The following CHN2 variants were observed in gnomAD, a reference collection of about 807,000 sequenced individuals.
CHN2 encodes beta-chimaerin.
CHN2 carries 35 observed loss-of-function variants against 56.3 expected under a neutral mutation model. The observed-to-expected ratio is 0.62, with a 90% CI of 0.47 to 0.82. CHN2 has a LOEUF of 0.82. Among genes scored for constraint, CHN2 ranks in the 40% least tolerant of loss-of-function variants. CHN2 has a pLI of 0.00. For missense variants in CHN2, 491 were observed against 580.5 expected (o/e 0.85, Z 1.58); for synonymous variants, 210 against 212.8 (o/e 0.99, Z 0.12).
At chr7:29,408,003 C>T (rs1346427934) in intron 6 of CHN2, among the ~76,000 whole-genome samples, 1 of 151,916 alleles carries the variant, frequency 6.6e-6, no homozygotes, top group East Asian at 1.9e-4. Context: ...GCCTGGCCAA[C>T]ATGGTGAAAC....
intron 1 of CHN2, among the ~76,000 whole-genome samples, chr7:29,267,987 G>A (rs1195976359): frequency 6.6e-6 from 1 of 152,142 alleles, no homozygotes. Context: ...TGTTATGGAA[G>A]GTTCTTTTCC....
intron 3 of CHN2, among the ~76,000 whole-genome samples, chr7:29,382,999 C>A (rs1800636858): frequency 6.6e-6 from 1 of 152,064 alleles, no homozygotes; most frequent in Non-Finnish European, 1.5e-5. Context: ...ATATTCTGGA[C>A]ACACAAGCAA....
intron 6 of CHN2, among the ~76,000 whole-genome samples, chr7:29,455,534 A>G (rs368517189): frequency 6.6e-6 from 1 of 152,170 alleles, no homozygotes. Context: ...GGCTTTCCCC[A>G]CCACTGCAGG....
intron 2 of CHN2, among the ~76,000 whole-genome samples, chr7:29,158,136 G>C (rs2128704686): frequency 6.6e-6 from 1 of 152,258 alleles, no homozygotes. Flanking sequence ...AGAGGGGAGT[G>C]GGCTGTATTG....
intron 1 of CHN2, among the ~76,000 whole-genome samples, chr7:29,205,839 T>C (rs1020355367): frequency 1.3e-5 from 2 of 152,166 alleles, no homozygotes; most frequent in African/African-American, 4.8e-5. Context: ...TATACACATT[T>C]TACGTAAGAT....
At chr7:29,482,260 C>T (rs554831036) in intron 7 of CHN2, among the ~76,000 whole-genome samples, 2 of 152,274 alleles carry the variant, frequency 1.3e-5, no homozygotes, top group South Asian at 4.1e-4. Context: ...ATGTTTTAAA[C>T]AGACATCTTT....
chr7:29,194,886 C>A lies in CHN2; in HGVS notation c.-56C>A. The A allele has an allele frequency of 7.2e-7, 1 of 1,390,758 alleles. No individual in the cohort carries two copies. Among genetic ancestry groups the A allele is most frequent in the Non-Finnish European group, 9.3e-7 (1 of 1,073,720 alleles). 86.2% of individuals were successfully genotyped at this position (1,390,758 alleles called of 1,614,324 possible). A position where few individuals can be genotyped will look rare whatever the true frequency, so the allele number is the denominator to read the frequency against. On this transcript the variant is annotated 5_prime_UTR_variant, in exon 1 of 13. Transcript: ENST00000222792. Reference sequence around the variant, plus strand: ...GCTGCGAGCGGCCGGGCGAGGGCAGCGGCGGCGGCGTCCGCACCGGGGCTG... The same window carrying A: ...GCTGCGAGCGGCCGGGCGAGGGCAGAGGCGGCGGCGTCCGCACCGGGGCTG...
chr7:29,217,736 T>A (rs1785450804), intron 1 of CHN2, among the ~76,000 whole-genome samples: 2 of 152,188 alleles, frequency 1.3e-5, no homozygotes, highest in African/African-American at 4.8e-5. Context: ...TCCTTTAGAA[T>A]GTGCACATGC....
At chr7:29,500,947 G>A (rs564554634) in intron 9 of CHN2, among the ~76,000 whole-genome samples, 9 of 152,268 alleles carry the variant, frequency 5.9e-5, no homozygotes, top group Admixed American at 5.9e-4. Context: ...GTATCAAAAT[G>A]TTCACTGAAG....
At chr7:29,416,730 A>G (rs1803784249) in intron 6 of CHN2, among the ~76,000 whole-genome samples, 2 of 152,230 alleles carry the variant, frequency 1.3e-5, no homozygotes, top group East Asian at 1.9e-4. Flanking sequence ...AATGACAGTG[A>G]TTAATTAGAT....
At chr7:29,512,476 A>G in intron 12 of CHN2, 88 bp from the exon 13 acceptor site, 1 of 1,122,902 alleles carries the variant, frequency 8.9e-7, no homozygotes, top group Non-Finnish European at 1.2e-6. Flanking sequence ...TGAACCAGAG[A>G]TGTTATCGGG....
intron 6 of CHN2, chr7:29,445,071 T>G: frequency 4.4e-6 from 2 of 453,640 alleles, no homozygotes; most frequent in Non-Finnish European, 8.9e-6. Context: ...AGTCTGTTGG[T>G]CCCAGCTGGT....
intron 1 of CHN2, among the ~76,000 whole-genome samples, chr7:29,333,413 G>A (rs927224927): frequency 6.6e-6 from 1 of 152,164 alleles, no homozygotes; most frequent in African/African-American, 2.4e-5. Flanking sequence ...CTTTGGAGAG[G>A]AGATGACACA....
chr7:29,206,572 G>A (rs959418967), intron 1 of CHN2, among the ~76,000 whole-genome samples: 29 of 152,244 alleles, frequency 1.9e-4, no homozygotes, highest in African/African-American at 4.3e-4. Flanking sequence ...GAGCCACCGC[G>A]CCTGGCCTAG....
At chr7:29,479,576 A>G (rs1004564269) in intron 6 of CHN2, 29 of 772,008 alleles carry the variant, frequency 3.8e-5, no homozygotes, top group Admixed American at 2.1e-4. Flanking sequence ...CTTTACCCCT[A>G]TAAGATTAAA....
chr7:29,349,310 ATATT>A (rs1290224206), intron 1 of CHN2, among the ~76,000 whole-genome samples: 2 of 152,202 alleles, frequency 1.3e-5, no homozygotes, highest in African/African-American at 4.8e-5. Flanking sequence ...AGCATTATAA[ATATT>A]AACCCATCCA....
chr7:29,217,058 A>G (rs1217831393), intron 1 of CHN2, among the ~76,000 whole-genome samples: 1 of 152,218 alleles, frequency 6.6e-6, no homozygotes, highest in Non-Finnish European at 1.5e-5. Context: ...ATCTAAATAT[A>G]TGCAGCATTT....
intron 1 of CHN2, among the ~76,000 whole-genome samples, chr7:29,223,322 C>T (rs1025491639): frequency 5.9e-5 from 9 of 152,106 alleles, no homozygotes; most frequent in Admixed American, 5.2e-4. Context: ...AGTGGCATCC[C>T]AAACCCCTCT....
chr7:29,294,950 G>T (rs1297039427), intron 1 of CHN2, among the ~76,000 whole-genome samples: 1 of 152,114 alleles, frequency 6.6e-6, no homozygotes, highest in Non-Finnish European at 1.5e-5. Flanking sequence ...GCAAGCCACA[G>T]GGCAGTCATC....
Sources: gnomAD v4.1 joint callset for allele counts (sites outside exome capture counted in the v4.1 genomes callset) on GRCh38, gnomAD v4.1.1 for gene constraint, MANE v1.5 for transcripts, NCBI Gene and HGNC (gene_info 2026-07-23, HGNC 2026-07-21) for gene names.